TPST1: variants seen among roughly 807,000 people sequenced by gnomAD.
The protein encoded by TPST1 is tyrosylprotein sulfotransferase 1.
In TPST1, 20 loss-of-function variants were observed where a neutral mutation model predicts 34.8. The observed-to-expected ratio is 0.57, with a 90% CI of 0.40 to 0.84. The LOEUF is 0.84. TPST1 is among the 40% of genes least tolerant of loss of function. The pLI is 0.00. For synonymous variants in TPST1, 152 were observed against 159.4 expected (o/e 0.95, Z 0.35); for missense variants, 353 against 455.5 (o/e 0.78, Z 2.05).
At chr7:66,231,791 T>A (rs1320102286) in intron 1 of TPST1, among the ~76,000 whole-genome samples, 1 of 152,240 alleles carries the variant, frequency 6.6e-6, no homozygotes, top group Non-Finnish European at 1.5e-5. Flanking sequence ...GCTCCCACAG[T>A]GCAGCGGTGG....
At chr7:66,245,983 A>G (rs1790138892) in intron 2 of TPST1, among the ~76,000 whole-genome samples, 1 of 151,678 alleles carries the variant, frequency 6.6e-6, no homozygotes, top group African/African-American at 2.4e-5. Flanking sequence ...CTGCCTAAGG[A>G]TGCTATTGGG....
In TPST1 at chr7:66,353,699, G is replaced by T. The variant is rs112686388; in HGVS notation, c.1095+1144G>T. 3.9e-3 allele frequency among the ~76,000 whole-genome samples: 593 copies of T among 152,302 alleles called. 3 individuals are homozygous for T. Among genetic ancestry groups the T allele is most frequent in the African/African-American group, 0.014 (563 of 41,574 alleles). On this transcript the variant is annotated intron_variant, in intron 4 of 5. Coordinates refer to ENST00000304842, the MANE Select transcript of TPST1 (RefSeq NM_003596.4). Reference sequence around the variant, plus strand: ...AGCCGACTTCCCTTTCCAGCAAGGCGATGATGCATGTTGCCTCCAGGCTGC... The same window carrying T: ...AGCCGACTTCCCTTTCCAGCAAGGCTATGATGCATGTTGCCTCCAGGCTGC...
intron 1 of TPST1, among the ~76,000 whole-genome samples, chr7:66,231,077 C>T (rs936129410): frequency 7.4e-4 from 110 of 148,456 alleles, no homozygotes; most frequent in Non-Finnish European, 8.4e-4. Flanking sequence ...TTTACAATCC[C>T]TGAGCTAGAC....
intron 1 of TPST1, among the ~76,000 whole-genome samples, chr7:66,210,993 A>G (rs550468358): frequency 1.9e-4 from 29 of 151,246 alleles, no homozygotes; most frequent in African/African-American, 5.3e-4. Context: ...ACGCGCGCGC[A>G]CACACACACA....
intron 3 of TPST1, among the ~76,000 whole-genome samples, chr7:66,292,793 T>C (rs1479779451): frequency 6.7e-6 from 1 of 149,128 alleles, no homozygotes. Flanking sequence ...GTACCTCAGA[T>C]GGAAATGCAG....
chr7:66,275,113 G>A (rs530772855), intron 2 of TPST1, among the ~76,000 whole-genome samples: 1 of 152,220 alleles, frequency 6.6e-6, no homozygotes, highest in South Asian at 2.1e-4. Context: ...AGAATGGCGT[G>A]AACCCGGGAG....
intron 3 of TPST1, among the ~76,000 whole-genome samples, chr7:66,333,620 T>C (rs1027049187): frequency 6.6e-6 from 1 of 152,158 alleles, no homozygotes; most frequent in Non-Finnish European, 1.5e-5. Flanking sequence ...AACAGTAAAG[T>C]TAAAGATTAT....
intron 2 of TPST1, among the ~76,000 whole-genome samples, chr7:66,278,813 T>C (rs1011697838): frequency 6.6e-6 from 1 of 151,910 alleles, no homozygotes; most frequent in Non-Finnish European, 1.5e-5. Context: ...AAAAAAAAGT[T>C]TATCATAGAA....
intron 3 of TPST1, among the ~76,000 whole-genome samples, chr7:66,346,708 C>G (rs1372745326): frequency 6.6e-6 from 1 of 151,958 alleles, no homozygotes; most frequent in Non-Finnish European, 1.5e-5. Context: ...TGTTTGAGCT[C>G]TTTATTCTGG....
intron 3 of TPST1, among the ~76,000 whole-genome samples, chr7:66,328,906 A>ATATATATATTTTT (rs1299138303): frequency 1.5e-4 from 2 of 13,156 alleles, no homozygotes; most frequent in African/African-American, 1.1e-3. Context: ...ATATATATAT[A>ATATATATATTTTT]TTTTTTTTTT....
intron 2 of TPST1, among the ~76,000 whole-genome samples, chr7:66,243,887 C>G (rs542759882): frequency 5.9e-4 from 89 of 151,874 alleles, no homozygotes; most frequent in African/African-American, 2.1e-3. Flanking sequence ...TTATTGCCCA[C>G]AGTCAGTCAT....
chr7:66,331,336 AG>A (rs1791992297), intron 3 of TPST1, among the ~76,000 whole-genome samples: 1 of 152,208 alleles, frequency 6.6e-6, no homozygotes, highest in Admixed American at 6.5e-5. Context: ...ACACTTGAAG[AG>A]GGTTAAACAA....
At chr7:66,325,598 C>T (rs1036332992) in intron 3 of TPST1, among the ~76,000 whole-genome samples, 4 of 151,736 alleles carry the variant, frequency 2.6e-5, no homozygotes, top group Non-Finnish European at 5.9e-5. Context: ...GGACTACAGA[C>T]ATGTGCCACT....
intron 3 of TPST1, among the ~76,000 whole-genome samples, chr7:66,349,301 G>A (rs747059912): frequency 5.3e-5 from 8 of 152,192 alleles, no homozygotes; most frequent in East Asian, 1.9e-4. Context: ...GCTGGGCGCC[G>A]TGGCTCACAC....
intron 1 of TPST1, among the ~76,000 whole-genome samples, chr7:66,215,730 G>T (rs1304123312): frequency 6.7e-6 from 1 of 148,320 alleles, no homozygotes; most frequent in Admixed American, 6.8e-5. Flanking sequence ...ACTTTTGATA[G>T]AATTTACTAG....
At chr7:66,277,900 G>C (rs1475999130) in intron 2 of TPST1, among the ~76,000 whole-genome samples, 1 of 152,016 alleles carries the variant, frequency 6.6e-6, no homozygotes, top group African/African-American at 2.4e-5. Context: ...AGGAGTTTGA[G>C]ACCAGCCTGG....
rs193018860 is a variant in TPST1, at chr7:66,218,718, G to A, written c.-102+13196G>A. On this transcript the variant is annotated intron_variant, in intron 1 of 5. Coordinates refer to ENST00000304842, the MANE Select transcript of TPST1 (RefSeq NM_003596.4). ...AAACGTTAGCTGGGTGTGGTGGCGG[G>A]CGCCTGTAGTCCCAGCTACTTGGGT... Among the ~76,000 whole-genome samples, 186 of 152,074 alleles carry A rather than the reference G, an allele frequency of 1.2e-3. 1 individual carries two copies. The East Asian group carries it at 0.019, about 16-fold the overall frequency.
chr7:66,239,697 T>C, intron 1 of TPST1, among the ~76,000 whole-genome samples: 1 of 152,236 alleles, frequency 6.6e-6, no homozygotes, highest in Non-Finnish European at 1.5e-5. Context: ...ATTAAATATT[T>C]GGTTGACTCA....
chr7:66,252,132 A>G (rs2115621849), intron 2 of TPST1, among the ~76,000 whole-genome samples: 1 of 151,698 alleles, frequency 6.6e-6, no homozygotes, highest in South Asian at 2.1e-4. Context: ...ATCTCGGCTC[A>G]CTGCAAGCTC....
Sources: allele counts gnomAD v4.1 joint callset (sites outside exome capture counted in the v4.1 genomes callset), GRCh38; gene constraint gnomAD v4.1.1; transcripts MANE v1.5; gene names NCBI Gene and HGNC (gene_info 2026-07-23, HGNC 2026-07-21).